VPS8: variants seen among roughly 807,000 people sequenced by gnomAD.
VPS8 encodes VPS8 subunit of CORVET complex, also known as vacuolar protein sorting-associated protein 8 homolog.
VPS8 carries 129 observed loss-of-function variants against 216.4 expected under a neutral mutation model. The ratio of observed to expected loss-of-function variants is 0.60; its 90% CI spans 0.52 to 0.69. The LOEUF is 0.69. Ranked by LOEUF, VPS8 falls within the 30% of genes least tolerant of loss-of-function variation. The pLI is 0.00. For synonymous variants in VPS8, 571 were observed against 565.4 expected, an observed-to-expected ratio of 1.01 and a Z score of -0.14; for missense variants, 1,531 against 1,683.5, an observed-to-expected ratio of 0.91 and a Z score of 1.59.
rs192486968 is a variant in VPS8 at position 185,036,963 on chromosome 3, A to G, written c.4057-11516A>G. Among the ~76,000 whole-genome samples, 535 of 152,194 alleles carry G rather than the reference A, an allele frequency of 3.5e-3. 3 individuals are homozygous for G. The highest frequency in any genetic ancestry group is 0.012 in the African/African-American group (499 of 41,554). ...TATTATAAGCCCAACATTTTATTAT[A>G]CACATTTTATATGACTGCTTTTTAA... is the stretch of plus-strand genomic sequence containing the variant. On this transcript the variant is annotated intron_variant, in intron 46 of 47. Transcript: ENST00000625842.
intron 42 of VPS8, among the ~76,000 whole-genome samples, chr3:184,985,594 T>G (rs1750938715): frequency 6.6e-6 from 1 of 152,164 alleles, no homozygotes; most frequent in Non-Finnish European, 1.5e-5. Flanking sequence ...TTAATCTGTG[T>G]AAGAGCAGAA....
At chr3:184,832,643 G>C in intron 3 of VPS8, 46 bp from the exon 4 acceptor site, 1 of 1,534,996 alleles carries the variant, frequency 6.5e-7, no homozygotes, top group Non-Finnish European at 8.8e-7. Context: ...TCATTTCATA[G>C]AGTATTTGGA....
intron 7 of VPS8, among the ~76,000 whole-genome samples, chr3:184,841,021 A>G (rs1722042291): frequency 6.6e-6 from 1 of 152,186 alleles, no homozygotes; most frequent in African/African-American, 2.4e-5. Context: ...AAGCTTTTTA[A>G]AATGTAATTG....
chr3:184,973,352 G>A (rs777234837), intron 40 of VPS8, among the ~76,000 whole-genome samples: 5 of 151,952 alleles, frequency 3.3e-5, no homozygotes, highest in Non-Finnish European at 7.4e-5. Context: ...TAAAAATATA[G>A]TACTCAAAAA....
intron 8 of VPS8, among the ~76,000 whole-genome samples, chr3:184,846,453 C>T (rs1723146402): frequency 6.6e-6 from 1 of 152,246 alleles, no homozygotes; most frequent in Non-Finnish European, 1.5e-5. Flanking sequence ...CTCTTCATGG[C>T]ACCCTTATTC....
chr3:184,929,654 C>T lies in VPS8; in HGVS notation c.2789C>T (p.Pro930Leu). Reference protein sequence around the residue: ...DKIIDCYLRDPLREEEVFNYI... With the variant: ...DKIIDCYLRDLLREEEVFNYI... ...ATTATTGATTGCTACTTACGTGACC[C>T]TCTGCGAGAGGTGAGTCAAGATACT... The change falls in exon 33 of 48, where the codon CCT becomes CTT. Residue 930 changes from proline to leucine, a missense_variant. Physicochemically the swap from Pro to Leu is moderately conservative, Grantham distance 98. Around this residue, in one of 3 missense-constraint regions of VPS8, gnomAD observed 1,318 missense variants for 1,468.4 expected, o/e 0.90. Coordinates refer to ENST00000625842, the MANE Select transcript of VPS8 (RefSeq NM_001009921.3). 1 of 1,513,012 alleles carries T rather than the reference C, an allele frequency of 6.6e-7. No individual in the cohort carries two copies. The highest frequency in any genetic ancestry group is 8.9e-7 in the Non-Finnish European group (1 of 1,125,584). 93.7% of individuals were successfully genotyped at this position (1,513,012 alleles called of 1,614,324 possible). A position where few individuals can be genotyped will look rare whatever the true frequency, so the allele number is the denominator to read the frequency against.
intron 45 of VPS8, among the ~76,000 whole-genome samples, chr3:185,017,576 A>G (rs1046945703): frequency 1.8e-4 from 27 of 152,216 alleles, no homozygotes; most frequent in Admixed American, 4.6e-4. Flanking sequence ...TGTAATCTGA[A>G]TCAATGACTC....
rs565869104 is a variant in VPS8, at chr3:184,894,688, C to A, written c.1782-15C>A. 7 of 1,568,622 alleles carry A rather than the reference C, an allele frequency of 4.5e-6. No individual in the cohort carries two copies. In the South Asian group the frequency reaches 7.0e-5, roughly 16 times the overall value. ...CATGTTCCTAAAAGTTTTTCTCCCC[C>A]CCTTTCTGTTACAGGGATCTTTTAT... On this transcript the variant is annotated splice_polypyrimidine_tract_variant and intron_variant, in intron 22 of 47. Transcript: ENST00000625842.
intron 36 of VPS8, among the ~76,000 whole-genome samples, chr3:184,948,482 C>T (rs527624424): frequency 5.2e-4 from 79 of 152,126 alleles, no homozygotes; most frequent in South Asian, 2.9e-3. Flanking sequence ...GTGCCACAGC[C>T]GTTGCACTAC....
At chr3:184,847,181 A>T (rs1723289817) in intron 8 of VPS8, among the ~76,000 whole-genome samples, 1 of 152,220 alleles carries the variant, frequency 6.6e-6, no homozygotes, top group African/African-American at 2.4e-5. Flanking sequence ...ATTGAAAAAA[A>T]TAGAGTATTT....
chr3:184,850,795 T>C (rs1724105438), intron 10 of VPS8, among the ~76,000 whole-genome samples: 1 of 152,226 alleles, frequency 6.6e-6, no homozygotes, highest in Admixed American at 6.5e-5. Flanking sequence ...AAGTATGCTT[T>C]TTAAAGTCTG....
chr3:185,051,019 C>G (rs1714113620), intron 47 of VPS8, among the ~76,000 whole-genome samples: 2 of 152,144 alleles, frequency 1.3e-5, no homozygotes, highest in Admixed American at 6.5e-5. Flanking sequence ...AGACCCTAAT[C>G]AGGCAGGAAG....
intron 9 of VPS8, chr3:184,849,701 A>G: frequency 1.9e-6 from 1 of 515,326 alleles, no homozygotes. Context: ...CAGTATGAGA[A>G]CAACATTTAA....
At chr3:184,898,271 T>C (rs1312478179) in intron 23 of VPS8, among the ~76,000 whole-genome samples, 4 of 152,152 alleles carry the variant, frequency 2.6e-5, no homozygotes, top group Non-Finnish European at 5.9e-5. Flanking sequence ...CAATAAATAT[T>C]TGTAGAACTA....
rs1750469297 is a variant in VPS8 at position 184,983,044 on chromosome 3, A to T, written c.3535A>T (p.Ser1179Cys). The change falls in exon 42 of 48, where the codon AGC becomes TGC. Residue 1179 changes from serine (S) to cysteine (C), a missense_variant. Transcript: ENST00000625842. ...LKSLTMQVLN[S>C]MAAFIALPSI... ...GTCTTTGACCATGCAAGTTTTAAATAGCATGGCAGCATTTATTGCCCTTCC... is the reference window on the plus strand; with the variant it reads ...GTCTTTGACCATGCAAGTTTTAAATTGCATGGCAGCATTTATTGCCCTTCC... 3.1e-6 allele frequency: 5 copies of T among 1,609,792 alleles called. No individual in the cohort carries two copies. The highest frequency in any genetic ancestry group is 4.2e-6 in the Non-Finnish European group (5 of 1,177,708).
Position 184,839,495 on chromosome 3 carries a change from T to C in VPS8, c.481-203T>C, listed in dbSNP as rs997781600. On this transcript the variant is annotated intron_variant, in intron 6 of 47. Coordinates refer to ENST00000625842, the MANE Select transcript of VPS8 (RefSeq NM_001009921.3). ...TATGATATTTTGATAGTGTTACTCC[T>C]AGAGTAAATTTAGAGGGATTCTCAG... 1.6e-5 allele frequency: 9 copies of C among 554,120 alleles called. No individual in the cohort carries two copies. In the South Asian group the frequency reaches 1.9e-4, roughly 12 times the overall value. 34.3% of individuals were successfully genotyped at this position (554,120 alleles called of 1,614,324 possible).
In VPS8 at chr3:184,957,457, A is replaced by G. The variant is rs765634280; in HGVS notation, c.3119A>G (p.Asn1040Ser). Residue 1040 changes from asparagine to serine, a missense_variant, in exon 37 of 48, where the codon AAC becomes AGC. This residue lies in a region of VPS8 where 1,318 missense variants were observed against 1,468.4 expected (regional missense o/e 0.90). Transcript: ENST00000625842. ...TTCATTGAGCTGTTGTGTCAGTTCA[A>G]CCCAACCCAAGTTATAGAGACTCTG... ...EQFIELLCQF[N>S]PTQVIETLQV... The G allele has an allele frequency of 6.8e-6, 11 of 1,612,622 alleles. No homozygotes were observed. In the African/African-American group the frequency reaches 1.1e-4, roughly 16 times the overall value.
At chr3:185,023,789 T>G (rs1235574787) in intron 45 of VPS8, among the ~76,000 whole-genome samples, 2 of 152,250 alleles carry the variant, frequency 1.3e-5, no homozygotes. Context: ...TAGTCAGGTC[T>G]TTTTCATTTA....
chr3:184,925,126 G>A, intron 30 of VPS8, 145 bp downstream of exon 30: 1 of 1,091,436 alleles, frequency 9.2e-7, no homozygotes. Context: ...TCTAAGTTAG[G>A]GGGGTATGTG....
Sources: allele counts gnomAD v4.1 joint callset (sites outside exome capture counted in the v4.1 genomes callset), GRCh38; gene constraint gnomAD v4.1.1; regional missense constraint gnomAD v4.1.1; transcripts MANE v1.5; gene names NCBI Gene and HGNC (gene_info 2026-07-23, HGNC 2026-07-21).